Variants in USO1 observed in about 807,000 individuals in gnomAD.
USO1 encodes general vesicular transport factor p115.
In USO1, 57 loss-of-function variants were observed where a neutral mutation model predicts 124.5. The observed-to-expected ratio is 0.46, with a 90% confidence interval of 0.37 to 0.57. USO1 has a LOEUF of 0.57. Ranked by LOEUF, USO1 falls within the 20% of genes least tolerant of loss-of-function variation. The probability of loss-of-function intolerance (pLI) is 0.00; values close to 1 mark genes in which losing one functional copy is unlikely to be tolerated. For synonymous variants in USO1, 369 were observed against 362.8 expected (o/e 1.02, Z -0.19); for missense variants, 900 against 1,040.6 (o/e 0.86, Z 1.86).
chr4:75,745,220 A>G, intron 1 of USO1: 2 of 352,670 alleles, frequency 5.7e-6, no homozygotes, highest in Non-Finnish European at 1.1e-5. Flanking sequence ...TTTTATATAT[A>G]TATATAGTAC....
At chr4:75,725,981 G>A (rs1720430793) in intron 1 of USO1, among the ~76,000 whole-genome samples, 1 of 152,128 alleles carries the variant, frequency 6.6e-6, no homozygotes, top group African/African-American at 2.4e-5. Flanking sequence ...CAAAAAATGA[G>A]ACTGAGAGGG....
chr4:75,806,204 C>T (rs549292954), intron 19 of USO1, among the ~76,000 whole-genome samples: 2 of 152,244 alleles, frequency 1.3e-5, no homozygotes, highest in Admixed American at 1.3e-4. Context: ...GTTGCCCAAG[C>T]TGATCTTGCA....
chr4:75,772,082 A>G (rs1216029013), intron 7 of USO1, among the ~76,000 whole-genome samples: 1 of 152,206 alleles, frequency 6.6e-6, no homozygotes, highest in African/African-American at 2.4e-5. Flanking sequence ...TCTTAGCCTT[A>G]TAACTGGTTA....
chr4:75,744,588 T>C (rs1056773000), intron 1 of USO1, among the ~76,000 whole-genome samples: 1 of 152,286 alleles, frequency 6.6e-6, no homozygotes, highest in African/African-American at 2.4e-5. Context: ...CCCAGCTCTT[T>C]TTTGTATTTT....
intron 1 of USO1, among the ~76,000 whole-genome samples, chr4:75,738,319 T>C (rs1720854372): frequency 6.6e-6 from 1 of 151,766 alleles, no homozygotes; most frequent in Non-Finnish European, 1.5e-5. Context: ...TAGCTGGGCA[T>C]GGTGGCACAT....
At chr4:75,800,990 G>C in intron 16 of USO1, 89 bp from the exon 17 acceptor site, 1 of 1,376,960 alleles carries the variant, frequency 7.3e-7, no homozygotes, top group Non-Finnish European at 9.7e-7. Context: ...ACCTATCATG[G>C]AGTTAGGTTA....
At chr4:75,767,358 A>G (rs562213894) in intron 4 of USO1, among the ~76,000 whole-genome samples, 13 of 152,356 alleles carry the variant, frequency 8.5e-5, no homozygotes, top group African/African-American at 3.1e-4. Flanking sequence ...CTTTATTGAC[A>G]TCTAATTAAT....
At chr4:75,766,268 G>A (rs1221346876) in intron 4 of USO1, among the ~76,000 whole-genome samples, 1 of 152,104 alleles carries the variant, frequency 6.6e-6, no homozygotes, top group Non-Finnish European at 1.5e-5. Context: ...ACTTATTAAT[G>A]ATAACCTTAT....
chr4:75,751,412 A>G (rs1038466858), intron 1 of USO1, among the ~76,000 whole-genome samples: 6 of 148,650 alleles, frequency 4.0e-5, no homozygotes, highest in African/African-American at 1.5e-4. Context: ...GGGTTTCACC[A>G]TATTGGCCAA....
intron 14 of USO1, among the ~76,000 whole-genome samples, chr4:75,800,053 C>T (rs1172948417): frequency 6.6e-6 from 1 of 151,764 alleles, no homozygotes; most frequent in Admixed American, 6.6e-5. Context: ...AAGCAATTCT[C>T]CTGCCTCACT....
At chr4:75,740,147 A>G (rs1720917378) in intron 1 of USO1, among the ~76,000 whole-genome samples, 1 of 152,200 alleles carries the variant, frequency 6.6e-6, no homozygotes, top group Non-Finnish European at 1.5e-5. Flanking sequence ...CAGCCTGGGC[A>G]ACATAGTGAC....
At chr4:75,756,298 TGTGG>T (rs1721440721) in intron 3 of USO1, among the ~76,000 whole-genome samples, 1 of 151,494 alleles carries the variant, frequency 6.6e-6, no homozygotes, top group Non-Finnish European at 1.5e-5. Context: ...AGCCAGAGAA[TGTGG>T]GTGGCCTTTA....
At chr4:75,777,672 AAAG>A (rs1363619296) in intron 8 of USO1, among the ~76,000 whole-genome samples, 1 of 152,206 alleles carries the variant, frequency 6.6e-6, no homozygotes, top group Non-Finnish European at 1.5e-5. Flanking sequence ...GAGGAAAACT[AAAG>A]AAAACATTGA....
chr4:75,754,139 A>G (rs189632240), intron 3 of USO1, among the ~76,000 whole-genome samples: 23 of 148,886 alleles, frequency 1.5e-4, no homozygotes, highest in Non-Finnish European at 3.0e-4. Flanking sequence ...CTGGAGTACA[A>G]TGTTGCAGTC....
At chr4:75,738,975 C>T (rs1389140919) in intron 1 of USO1, among the ~76,000 whole-genome samples, 1 of 152,046 alleles carries the variant, frequency 6.6e-6, no homozygotes, top group African/African-American at 2.4e-5. Flanking sequence ...GCCTCAGCCT[C>T]CCGAGTAGCT....
chr4:75,805,066 T>C (rs1032883537), intron 18 of USO1, 74 bp from the exon 19 acceptor site: 1 of 1,471,134 alleles, frequency 6.8e-7, no homozygotes, highest in Admixed American at 2.7e-5. Context: ...AAATTACATA[T>C]TTGAATCTTC....
chr4:75,749,561 C>G (rs764227490), intron 1 of USO1, among the ~76,000 whole-genome samples: 1 of 151,220 alleles, frequency 6.6e-6, no homozygotes, highest in African/African-American at 2.4e-5. Flanking sequence ...ACCATCATAC[C>G]TAGCTAATTT....
intron 17 of USO1, among the ~76,000 whole-genome samples, chr4:75,802,690 C>T (rs1467996526): frequency 6.8e-6 from 1 of 146,644 alleles, no homozygotes; most frequent in Non-Finnish European, 1.5e-5. Context: ...AATTTATATT[C>T]AGTGTTTTTG....
At chr4:75,749,771 G>T (rs1314423723) in intron 1 of USO1, among the ~76,000 whole-genome samples, 2 of 144,510 alleles carry the variant, frequency 1.4e-5, no homozygotes, top group East Asian at 4.0e-4. Context: ...TTTTTCTCCC[G>T]AGACGGAGTC....
Sources: allele counts gnomAD v4.1 joint callset (sites outside exome capture counted in the v4.1 genomes callset), GRCh38; gene constraint gnomAD v4.1.1; transcripts MANE v1.5; gene names NCBI Gene and HGNC (gene_info 2026-07-23, HGNC 2026-07-21).